Variants in CCDC141 observed in about 807,000 individuals in gnomAD.
CCDC141 encodes coiled-coil domain containing 141.
CCDC141 carries 168 observed loss-of-function variants against 181.0 expected under a neutral mutation model. The ratio of observed to expected loss-of-function variants is 0.93; its 90% CI spans 0.82 to 1.05. The LOEUF (loss-of-function observed/expected upper bound fraction) is 1.05, where lower values mean the gene tolerates loss of function less well. Ranked by LOEUF, CCDC141 falls within the 50% of genes least tolerant of loss-of-function variation. The probability of loss-of-function intolerance (pLI) is 0.00; values close to 1 mark genes in which losing one functional copy is unlikely to be tolerated. For synonymous variants in CCDC141, 666 were observed against 642.3 expected, an observed-to-expected ratio of 1.04 and a Z score of -0.56; for missense variants, 1,902 against 1,788.5, an observed-to-expected ratio of 1.06 and a Z score of -1.14.
At chr2:179,032,624 A>C (rs1200409546) in intron 2 of CCDC141, among the ~76,000 whole-genome samples, 4 of 152,080 alleles carry the variant, frequency 2.6e-5, no homozygotes, top group Non-Finnish European at 5.9e-5. Context: ...TGGATTTCTA[A>C]TCCTTTCCCC....
the CCDC141 span, among the ~76,000 whole-genome samples, chr2:178,815,330 T>G: frequency 6.6e-6 from 1 of 152,166 alleles, no homozygotes; most frequent in Admixed American, 6.6e-5. Flanking sequence ...GGACAGGACT[T>G]CCTAATTGCT....
intron 6 of CCDC141, among the ~76,000 whole-genome samples, chr2:178,943,374 T>C (rs1402465717): frequency 3.9e-5 from 6 of 152,200 alleles, no homozygotes. Flanking sequence ...AGACTTTGAA[T>C]GCCTACAAGA....
At chr2:179,038,570 A>G (rs933978309) in intron 2 of CCDC141, among the ~76,000 whole-genome samples, 2 of 152,190 alleles carry the variant, frequency 1.3e-5, no homozygotes, top group African/African-American at 4.8e-5. Flanking sequence ...CTTAGTAAAT[A>G]TTTCAGACGA....
chr2:179,015,209 A>ATCATATATC (rs370253992), intron 2 of CCDC141, among the ~76,000 whole-genome samples: 105,515 of 125,982 alleles, frequency 0.84, 44,519 homozygotes, highest in East Asian at 0.93. Context: ...TATCATATAT[A>ATCATATATC]TCATATATCT....
rs144007766 is a variant in CCDC141 at position 179,031,232 on chromosome 2, C to T, written c.225+16052G>A. ...TTTTTTTTTCTTCTTGAGTAGTTTT[C>T]GTAGCTTATGATTTTTAAGGGTTTG... On this transcript the variant is annotated intron_variant, in intron 2 of 23. Coordinates refer to ENST00000443758, the MANE Select transcript of CCDC141 (RefSeq NM_173648.4). Among the ~76,000 whole-genome samples the T allele has an allele frequency of 2.2e-3, 334 of 149,276 alleles. 2 individuals carry two copies. The highest frequency in any genetic ancestry group is 3.5e-3 in the Middle Eastern group (1 of 288).
intron 2 of CCDC141, among the ~76,000 whole-genome samples, chr2:178,990,534 GAGGAAGGA>G (rs146600473): frequency 1.0e-3 from 139 of 134,502 alleles, no homozygotes; most frequent in African/African-American, 3.5e-3. Flanking sequence ...GAAAGAGAGA[GAGGAAGGA>G]AGGAAGGAAG....
chr2:178,939,221 T>C (rs992438988), intron 6 of CCDC141, among the ~76,000 whole-genome samples: 1 of 152,210 alleles, frequency 6.6e-6, no homozygotes, highest in African/African-American at 2.4e-5. Context: ...GCTGTCCCCA[T>C]ACTGAAATTC....
chr2:178,947,370 T>G (rs1689776250), intron 5 of CCDC141, among the ~76,000 whole-genome samples: 1 of 152,144 alleles, frequency 6.6e-6, no homozygotes, highest in South Asian at 2.1e-4. Context: ...GCTGAGGAGA[T>G]GTACAAAGGA....
chr2:178,837,795 C>A, intron 22 of CCDC141, 51 bp from the exon 23 acceptor site: 1 of 1,543,108 alleles, frequency 6.5e-7, no homozygotes, highest in South Asian at 1.3e-5. Context: ...TTTCTTTTTC[C>A]AGTTTCAATT....
At chr2:178,983,567 A>G (rs1253390018) in intron 2 of CCDC141, among the ~76,000 whole-genome samples, 24 of 145,544 alleles carry the variant, frequency 1.6e-4, no homozygotes. Context: ...AAAACTTTGA[A>G]AAAAATTTAG....
chr2:179,045,669 A>G (rs376962311), intron 2 of CCDC141, among the ~76,000 whole-genome samples: 3 of 151,770 alleles, frequency 2.0e-5, no homozygotes, highest in East Asian at 3.9e-4. Context: ...CCTCTCCAGC[A>G]CCTGTTGTTT....
intron 2 of CCDC141, among the ~76,000 whole-genome samples, chr2:179,041,741 C>T (rs1211964270): frequency 6.6e-6 from 1 of 151,814 alleles, no homozygotes; most frequent in Non-Finnish European, 1.5e-5. Context: ...AAATAGAAAA[C>T]AGAAAAAGCA....
intron 20 of CCDC141, 23 bp from the exon 21 acceptor site, chr2:178,850,184 T>C (rs1685104470): frequency 7.4e-7 from 1 of 1,357,092 alleles, no homozygotes; most frequent in South Asian, 1.2e-5. Context: ...AGGATGAAAC[T>C]AGTTTTAAAG....
At position 178,869,321 on chromosome 2, in the gene CCDC141, C is replaced by T; in HGVS notation, c.2206-16G>A. The T allele has an allele frequency of 6.4e-7, 1 of 1,558,094 alleles. No individual in the cohort carries two copies. The highest frequency in any genetic ancestry group is 2.3e-5 in the East Asian group (1 of 43,482). ...CATTCAATTGCTAAAACATTGAAAGCAATAAAAAAATCTTGCTATTAAAGA... is the reference window on the plus strand; with the variant it reads ...CATTCAATTGCTAAAACATTGAAAGTAATAAAAAAATCTTGCTATTAAAGA... On this transcript the variant is annotated splice_polypyrimidine_tract_variant and intron_variant, in intron 14 of 23. Coordinates refer to ENST00000443758, the MANE Select transcript of CCDC141 (RefSeq NM_173648.4).
At position 178,905,429 on chromosome 2, in the gene CCDC141, A is replaced by C; in HGVS notation, c.1165T>G (p.Leu389Val). Residue 389 changes from leucine (L) to valine (V), a missense_variant, in exon 8 of 24, where the codon TTG (leucine) becomes GTG (valine). By Grantham distance (32) the Leu-to-Val change is conservative. Transcript: ENST00000443758. ...LKSEGLSLAV[L>V]AVRHEELHRK... ...TGTAATTCCTCATGCCTCACTGCCA[A>C]AACAGCCAGACTTAAACCCTCTGAT... The C allele has an allele frequency of 6.4e-7, 1 of 1,551,022 alleles. No homozygotes were observed. Among genetic ancestry groups the C allele is most frequent in the Non-Finnish European group, 8.7e-7 (1 of 1,147,052 alleles).
At chr2:178,847,873 C>T (rs7570928) in intron 21 of CCDC141, among the ~76,000 whole-genome samples, 130,370 of 152,148 alleles carry the variant, frequency 0.86, 55,907 homozygotes, top group East Asian at 0.99. Context: ...GCCTGAGAGA[C>T]ACCCCTCATT....
intron 7 of CCDC141, among the ~76,000 whole-genome samples, chr2:178,915,362 A>T (rs1688399556): frequency 6.6e-6 from 1 of 152,266 alleles, no homozygotes. Flanking sequence ...AATTCAAAAA[A>T]GTAAAAAGTA....
At position 179,047,296 on chromosome 2, in the gene CCDC141, C is replaced by A; in HGVS notation, c.213G>T (p.Leu71Phe). 6.5e-7 allele frequency: 1 copy of A among 1,532,820 alleles called. No individual in the cohort carries two copies. Among genetic ancestry groups the A allele is most frequent in the South Asian group, 1.3e-5 (1 of 79,594 alleles). 95.0% of individuals were successfully genotyped at this position (1,532,820 alleles called of 1,614,324 possible). Residue 71 changes from leucine (L) to phenylalanine (F), a missense_variant, in exon 2 of 24, where the codon TTG becomes TTT. Physicochemically the swap from Leu to Phe is conservative, Grantham distance 22. Coordinates refer to ENST00000443758, the MANE Select transcript of CCDC141 (RefSeq NM_173648.4). Reference protein sequence around the residue: ...KKLLHDHELLLAKLKALEDRV... With the variant: ...KKLLHDHELLFAKLKALEDRV... ...CTTAGTATCTTACCTTGAGCTTGGCCAAAAGAAGTTCATGATCATGAAGAA... is the reference window on the plus strand; with the variant it reads ...CTTAGTATCTTACCTTGAGCTTGGCAAAAAGAAGTTCATGATCATGAAGAA...
chr2:178,940,483 A>G (rs556595690), intron 6 of CCDC141, among the ~76,000 whole-genome samples: 48 of 152,350 alleles, frequency 3.2e-4, no homozygotes, highest in African/African-American at 1.1e-3. Flanking sequence ...TGAGCCCATT[A>G]GAGTAGGTCC....
Sources: gnomAD v4.1 joint callset for allele counts (sites outside exome capture counted in the v4.1 genomes callset) on GRCh38, gnomAD v4.1.1 for gene constraint, MANE v1.5 for transcripts, NCBI Gene and HGNC (gene_info 2026-07-23, HGNC 2026-07-21) for gene names.